Variants in MCTP1 observed in about 807,000 individuals in gnomAD.
The protein encoded by MCTP1 is multiple C2 and transmembrane domain-containing protein 1.
In MCTP1, 69 loss-of-function variants were observed where a neutral mutation model predicts 120.6. That is an observed-to-expected ratio of 0.57 (90% confidence interval 0.47 to 0.70). The LOEUF (loss-of-function observed/expected upper bound fraction) is 0.70. Among genes scored for constraint, MCTP1 ranks in the 30% least tolerant of loss-of-function variants. The pLI, the probability that MCTP1 is intolerant of heterozygous loss-of-function variation, is 0.00. For synonymous variants in MCTP1, 529 were observed against 493.1 expected (o/e 1.07, Z -0.96); for missense variants, 1,203 against 1,248.8 (o/e 0.96, Z 0.55).
intron 17 of MCTP1, among the ~76,000 whole-genome samples, chr5:94,842,462 A>G (rs529980475): frequency 3.3e-5 from 5 of 152,294 alleles, no homozygotes; most frequent in African/African-American, 1.2e-4. Flanking sequence ...TCTAAAAAAC[A>G]ACAACAATCT....
chr5:95,182,160 A>G (rs1554221429), intron 1 of MCTP1, among the ~76,000 whole-genome samples: 1 of 152,256 alleles, frequency 6.6e-6, no homozygotes, highest in Non-Finnish European at 1.5e-5. Flanking sequence ...AAGCACAGCT[A>G]TCAACACACA....
intron 19 of MCTP1, among the ~76,000 whole-genome samples, chr5:94,742,713 T>C (rs1000938588): frequency 6.6e-6 from 1 of 152,062 alleles, no homozygotes; most frequent in South Asian, 2.1e-4. Flanking sequence ...TGAAAAGAAA[T>C]ACAAAGAAAA....
chr5:94,838,971 A>C (rs1299182718), intron 17 of MCTP1, among the ~76,000 whole-genome samples: 1 of 152,166 alleles, frequency 6.6e-6, no homozygotes, highest in African/African-American at 2.4e-5. Flanking sequence ...ACCACATTCC[A>C]TTATAATTCT....
chr5:95,121,092 C>T (rs373153202), intron 1 of MCTP1, among the ~76,000 whole-genome samples: 23 of 151,976 alleles, frequency 1.5e-4, no homozygotes, highest in African/African-American at 3.6e-4. Flanking sequence ...TCCTGGCTAA[C>T]GCAGTGAAAC....
intron 1 of MCTP1, among the ~76,000 whole-genome samples, chr5:95,157,816 T>C (rs1745291180): frequency 6.6e-6 from 1 of 152,212 alleles, no homozygotes; most frequent in South Asian, 2.1e-4. Context: ...TTATAAATAA[T>C]GTTTTATTGA....
At chr5:95,210,239 C>G (rs1752177573) in intron 1 of MCTP1, among the ~76,000 whole-genome samples, 1 of 152,136 alleles carries the variant, frequency 6.6e-6, no homozygotes, top group Non-Finnish European at 1.5e-5. Flanking sequence ...TTTTAACTTT[C>G]TGTCTTGTTC....
At chr5:95,111,720 A>G (rs149998478) in intron 1 of MCTP1, among the ~76,000 whole-genome samples, 1 of 152,314 alleles carries the variant, frequency 6.6e-6, no homozygotes, top group African/African-American at 2.4e-5. Context: ...ATTGAACATG[A>G]CAAGTCAGTG....
At chr5:95,189,047 T>C (rs1207770140) in intron 1 of MCTP1, among the ~76,000 whole-genome samples, 3 of 152,170 alleles carry the variant, frequency 2.0e-5, no homozygotes, top group Non-Finnish European at 4.4e-5. Context: ...TACAATCTCA[T>C]AGTAGCATTT....
At chr5:95,167,666 T>C (rs1047531225) in intron 1 of MCTP1, among the ~76,000 whole-genome samples, 5 of 152,392 alleles carry the variant, frequency 3.3e-5, no homozygotes, top group Middle Eastern at 6.8e-3. Flanking sequence ...CCAGTGATGA[T>C]GAGCATTTTT....
intron 1 of MCTP1, among the ~76,000 whole-genome samples, chr5:95,051,014 C>T (rs1745766688): frequency 6.6e-6 from 1 of 152,082 alleles, no homozygotes; most frequent in African/African-American, 2.4e-5. Context: ...ACAGATCCTT[C>T]CTTGGTGCCT....
At chr5:94,935,780 A>T (rs190882971) in intron 5 of MCTP1, among the ~76,000 whole-genome samples, 3 of 152,050 alleles carry the variant, frequency 2.0e-5, no homozygotes, top group Non-Finnish European at 4.4e-5. Flanking sequence ...CCTTTCTTAC[A>T]TAATTCTCAT....
chr5:94,827,225 T>C (rs1580894452), intron 17 of MCTP1, among the ~76,000 whole-genome samples: 1 of 152,190 alleles, frequency 6.6e-6, no homozygotes, highest in Non-Finnish European at 1.5e-5. Context: ...TCTTCACTTA[T>C]GAAGCTAAGT....
chr5:94,999,325 G>A (rs190074295), intron 2 of MCTP1, among the ~76,000 whole-genome samples: 206 of 152,302 alleles, frequency 1.4e-3, no homozygotes, highest in Admixed American at 2.7e-3. Flanking sequence ...TCTAATAAAT[G>A]CAACTGAGAG....
At chr5:94,832,333 A>G (rs1354405457) in intron 17 of MCTP1, among the ~76,000 whole-genome samples, 1 of 152,156 alleles carries the variant, frequency 6.6e-6, no homozygotes, top group Non-Finnish European at 1.5e-5. Flanking sequence ...TTTTACCTGT[A>G]CTTTCTTCAA....
intron 1 of MCTP1, among the ~76,000 whole-genome samples, chr5:95,281,209 C>T (rs534130157): frequency 6.6e-6 from 1 of 152,288 alleles, no homozygotes; most frequent in South Asian, 2.1e-4. Flanking sequence ...TTCCCATGCC[C>T]AGGTCACTTT....
chr5:95,080,309 C>T (rs545938533), intron 1 of MCTP1, among the ~76,000 whole-genome samples: 1 of 152,290 alleles, frequency 6.6e-6, no homozygotes, highest in East Asian at 1.9e-4. Context: ...ATCCATGCTC[C>T]ATCAAACTAG....
chr5:94,915,169 T>C (rs928161793), intron 8 of MCTP1, among the ~76,000 whole-genome samples: 6 of 152,224 alleles, frequency 3.9e-5, no homozygotes, highest in Non-Finnish European at 1.5e-5. Flanking sequence ...CATTACAACA[T>C]TTGGTTCCCA....
chr5:95,269,466 T>C (rs951180274), intron 1 of MCTP1, among the ~76,000 whole-genome samples: 9 of 152,244 alleles, frequency 5.9e-5, no homozygotes, highest in African/African-American at 1.4e-4. Flanking sequence ...TATTCACTTA[T>C]GAGGTCTCAA....
chr5:95,137,057 A>T (rs1169401158), intron 1 of MCTP1, among the ~76,000 whole-genome samples: 1 of 152,238 alleles, frequency 6.6e-6, no homozygotes, highest in Non-Finnish European at 1.5e-5. Flanking sequence ...ATTCATTTTC[A>T]GCTTATAGCA....
Sources: allele counts gnomAD v4.1 joint callset (sites outside exome capture counted in the v4.1 genomes callset), GRCh38; gene constraint gnomAD v4.1.1; transcripts MANE v1.5; gene names NCBI Gene and HGNC (gene_info 2026-07-23, HGNC 2026-07-21).